Variants in EVC observed in about 807,000 individuals in gnomAD.
EVC encodes EvC ciliary complex subunit 1.
A neutral mutation model predicts 118.9 loss-of-function variants in EVC; 116 were observed. That is an observed-to-expected ratio of 0.98 (90% confidence interval 0.84 to 1.14). The LOEUF (loss-of-function observed/expected upper bound fraction) is 1.14, where lower values mean the gene tolerates loss of function less well. Among genes scored for constraint, EVC ranks in the 50% most tolerant of loss-of-function variants. The probability of loss-of-function intolerance (pLI) is 0.00; values close to 1 mark genes in which losing one functional copy is unlikely to be tolerated. For synonymous variants in EVC, 619 were observed against 534.7 expected (o/e 1.16, Z -2.18); for missense variants, 1,401 against 1,246.4 (o/e 1.12, Z -1.87).
At chr4:5,752,522 C>T (rs1167714896) in intron 8 of EVC, among the ~76,000 whole-genome samples, 3 of 152,130 alleles carry the variant, frequency 2.0e-5, no homozygotes. Context: ...GGTGGCTTTT[C>T]CTCCTTGACC....
At chr4:5,747,683 G>T (rs369814439) in intron 7 of EVC, among the ~76,000 whole-genome samples, 1 of 152,194 alleles carries the variant, frequency 6.6e-6, no homozygotes, top group African/African-American at 2.4e-5. Context: ...ATGTTTTCAT[G>T]GTCAGCATCC....
Position 5,756,073 on chromosome 4 carries a change from G to A in EVC, c.1465-191G>A, listed in dbSNP as rs989711693. ...TGGTTTGTGGTGTTTCCTGGAAATCGGATTTGCTGACCCTGGCATCAGCTG... is the reference window on the plus strand; with the variant it reads ...TGGTTTGTGGTGTTTCCTGGAAATCAGATTTGCTGACCCTGGCATCAGCTG... On this transcript the variant is annotated intron_variant, in intron 10 of 20. Coordinates refer to ENST00000264956, the MANE Select transcript of EVC (RefSeq NM_153717.3). The surrounding 1 kb of genome is among the most constrained non-coding windows in gnomAD (Gnocchi z 4.2). 2.0e-5 allele frequency among the ~76,000 whole-genome samples: 3 copies of A among 152,124 alleles called. No homozygotes were observed. Among genetic ancestry groups the A allele is most frequent in the Non-Finnish European group, 4.4e-5 (3 of 68,020 alleles).
intron 8 of EVC, 138 bp downstream of exon 8, chr4:5,748,444 A>C: frequency 1.2e-6 from 1 of 824,010 alleles, no homozygotes; most frequent in Non-Finnish European, 1.9e-6. Context: ...AAAACCAACA[A>C]CAACAGTAAA....
In EVC at chr4:5,738,662, A is replaced by G. The variant is rs1728049972; in HGVS notation, c.703-3054A>G. Among the ~76,000 whole-genome samples the G allele has an allele frequency of 6.6e-6, 1 of 151,180 alleles. No homozygotes were observed. On this transcript the variant is annotated intron_variant, in intron 5 of 20. Coordinates refer to ENST00000264956, the MANE Select transcript of EVC (RefSeq NM_153717.3). The surrounding 1 kb of genome is among the most constrained non-coding windows in gnomAD (Gnocchi z 6.5). ...ACTCACTGCAAACTTTGCCTCCCAG[A>G]TTCAAGTGATTCTCCCGCCTCAGCC...
the EVC span, chr4:5,825,203 G>T: frequency 4.2e-5 from 41 of 985,214 alleles, no homozygotes; most frequent in Non-Finnish European, 4.9e-5. The surrounding 1 kb of genome is among the most constrained non-coding windows in gnomAD (Gnocchi z 4.4). Flanking sequence ...GAGTGTGAAA[G>T]TGTCCCCAAA....
chr4:5,770,828 A>C (rs865791487), intron 11 of EVC, among the ~76,000 whole-genome samples: 1 of 152,110 alleles, frequency 6.6e-6, no homozygotes, highest in Non-Finnish European at 1.5e-5. Context: ...CCCGGCCAAC[A>C]TGGCAAAACC....
chr4:5,720,598 C>A (rs949431705), intron 2 of EVC, among the ~76,000 whole-genome samples: 2 of 152,254 alleles, frequency 1.3e-5, no homozygotes, highest in Non-Finnish European at 1.5e-5. Flanking sequence ...TAGGGCTCAG[C>A]TTCTAGTTAC....
At chr4:5,825,444 G>A in the EVC span, 34 of 1,518,780 alleles carry the variant, frequency 2.2e-5, no homozygotes, top group Non-Finnish European at 2.5e-5. The surrounding 1 kb of genome is among the most constrained non-coding windows in gnomAD (Gnocchi z 4.4). Context: ...GGAAGGACTC[G>A]GCCTGAACTG....
chr4:5,729,377 A>C lies in EVC; in HGVS notation c.371A>C (p.Asn124Thr), dbSNP rs1726411520. 6.2e-7 allele frequency: 1 copy of C among 1,613,908 alleles called. No homozygotes were observed. Among genetic ancestry groups the C allele is most frequent in the Non-Finnish European group, 8.5e-7 (1 of 1,180,000 alleles). ...AAGGCCAAAGTCATCTACCCCATCA[A>C]TCAGAAGTTCCGGGTGAGAGTCCTG... ...ALKAKVIYPI[N>T]QKFRPLADGS... is the part of the protein sequence containing the mutation. The change falls in exon 3 of 21, where the codon AAT becomes ACT. Residue 124 changes from asparagine (N) to threonine (T), a missense_variant. Physicochemically the swap from Asn to Thr is moderately conservative, Grantham distance 65 (BLOSUM62 0). Coordinates refer to ENST00000264956, the MANE Select transcript of EVC (RefSeq NM_153717.3).
rs1449486351 is a variant in EVC, at chr4:5,813,188, T to C, written c.*2151T>C. ...TATTCCATGGAGTTGTGCAAAGCTA[T>C]GGCTTCCTTGGTGCAATATTCTTAA... On this transcript the variant is annotated 3_prime_UTR_variant, in exon 21 of 21. Coordinates refer to ENST00000264956, the MANE Select transcript of EVC (RefSeq NM_153717.3). 1 of 152,218 alleles carries C rather than the reference T, an allele frequency of 6.6e-6. No homozygotes were observed. The highest frequency in any genetic ancestry group is 1.9e-4 in the East Asian group (1 of 5,198). The allele number at this position is 152,218 out of a possible 1,614,324, so 9.4% of individuals were successfully genotyped here.
At chr4:5,822,480 T>A in the EVC span, among the ~76,000 whole-genome samples, 1 of 140,794 alleles carries the variant, frequency 7.1e-6, no homozygotes, top group South Asian at 2.4e-4. Context: ...TCATTGGCGA[T>A]AGGTGGATCT....
In EVC at chr4:5,738,926, A is replaced by T. The variant is rs148960144; in HGVS notation, c.703-2790A>T. On this transcript the variant is annotated intron_variant, in intron 5 of 20. Transcript: ENST00000264956. This position sits in a 1 kb window ranked among gnomAD's most constrained non-coding sequence, Gnocchi z 6.5. ...ATGATCATTAGCATTTTTTAGGAAG[A>T]AGTTATTTTTAAAATTAAGGTATGT... Among the ~76,000 whole-genome samples, 319 of 152,228 alleles carry T rather than the reference A, an allele frequency of 2.1e-3. 1 individual carries two copies. The highest frequency in any genetic ancestry group is 7.0e-3 in the African/African-American group (289 of 41,532).
At position 5,793,603 on chromosome 4, in the gene EVC, T is replaced by A. The variant is rs751066704; in HGVS notation, c.1777-5T>A. ...GCCTGCTCTGTCCCTCTGTCCCGAGTTCAGGTGTGGATGGAGGAGTGTGCG... is the reference window on the plus strand; with the variant it reads ...GCCTGCTCTGTCCCTCTGTCCCGAGATCAGGTGTGGATGGAGGAGTGTGCG... On this transcript the variant is annotated splice_region_variant and splice_polypyrimidine_tract_variant and intron_variant, in intron 12 of 20. Coordinates refer to ENST00000264956, the MANE Select transcript of EVC (RefSeq NM_153717.3). 21 of 1,551,176 alleles carry A rather than the reference T, an allele frequency of 1.4e-5. No individual in the cohort carries two copies. The highest frequency in any genetic ancestry group is 1.7e-5 in the Non-Finnish European group (20 of 1,146,640).
rs201393812 is a variant in EVC, at chr4:5,753,792, C to T, written c.1323C>T (p.Val441=). 6.2e-6 allele frequency: 10 copies of T among 1,614,130 alleles called. No homozygotes were observed. In the East Asian group the frequency reaches 8.9e-5, roughly 14 times the overall value. Residue 441 remains valine (V), a synonymous_variant, in exon 10 of 21, where the codon GTC becomes GTT. Transcript: ENST00000264956. ...QEAERFSREF[V]QRGKDLVTAS... ...GGCTTTTTTCAATCCCAGAGTTTGTCCAGCGAGGCAAAGACCTGGTCACGG... is the reference window on the plus strand; with the variant it reads ...GGCTTTTTTCAATCCCAGAGTTTGTTCAGCGAGGCAAAGACCTGGTCACGG...
chr4:5,730,874 G>A (rs574430984), intron 3 of EVC, among the ~76,000 whole-genome samples: 69 of 151,902 alleles, frequency 4.5e-4, no homozygotes, highest in African/African-American at 1.6e-3. Context: ...GGGCCCTCTA[G>A]CCATGCCAGG....
chr4:5,816,314 G>A (rs1204409045), downstream of EVC, among the ~76,000 whole-genome samples: 3 of 152,152 alleles, frequency 2.0e-5, no homozygotes, highest in African/African-American at 7.2e-5. Flanking sequence ...CAACGGCAAG[G>A]AGCAAAAACG....
intron 12 of EVC, among the ~76,000 whole-genome samples, chr4:5,790,180 C>CAAA (rs35158259): frequency 0.015 from 1,706 of 112,164 alleles, 71 homozygotes; most frequent in African/African-American, 0.053. Flanking sequence ...GACTCCATCT[C>CAAA]AAAAAAAAAA....
At chr4:5,826,531 G>A in the EVC span, 1 of 152,328 alleles carries the variant, frequency 6.6e-6, no homozygotes, top group African/African-American at 2.4e-5. Context: ...CACTGGGAAA[G>A]GGTTGTGGGG....
At chr4:5,770,906 G>T (rs944060352) in intron 11 of EVC, among the ~76,000 whole-genome samples, 1 of 151,986 alleles carries the variant, frequency 6.6e-6, no homozygotes, top group African/African-American at 2.4e-5. Flanking sequence ...CCAGCTACTT[G>T]GGAGGCTGAG....
Sources: gnomAD v4.1 joint callset for allele counts (sites outside exome capture counted in the v4.1 genomes callset) on GRCh38, gnomAD v4.1.1 for gene constraint, Gnocchi (gnomAD v3.1) non-coding constraint, MANE v1.5 for transcripts, NCBI Gene and HGNC (gene_info 2026-07-23, HGNC 2026-07-21) for gene names.